Variants in STAT5A observed in about 807,000 individuals in gnomAD.
The protein encoded by STAT5A is signal transducer and activator of transcription 5A.
Under a neutral mutation model 100.2 loss-of-function variants are expected in STAT5A, and 26 were observed. That is an observed-to-expected ratio of 0.26 (90% confidence interval 0.19 to 0.36). STAT5A has a LOEUF of 0.36. Ranked by LOEUF, STAT5A falls within the 10% of genes least tolerant of loss-of-function variation. The pLI is 1.00. For missense variants in STAT5A, 634 were observed against 1,027.5 expected (o/e 0.62, Z 5.24); for synonymous variants, 330 against 424.3 (o/e 0.78, Z 2.73).
At chr17:42,298,749 A>C (rs903609951) in intron 5 of STAT5A, among the ~76,000 whole-genome samples, 1 of 152,112 alleles carries the variant, frequency 6.6e-6, no homozygotes, top group East Asian at 1.9e-4. Flanking sequence ...AGTCTCCCAA[A>C]GTGCTGGGAT....
Position 42,301,464 on chromosome 17 carries a change from C to T in STAT5A, c.1169+10C>T. The T allele has an allele frequency of 6.2e-7, 1 of 1,614,022 alleles. No homozygotes were observed. Among genetic ancestry groups the T allele is most frequent in the South Asian group, 1.1e-5 (1 of 91,066 alleles). The stretch of plus-strand genomic sequence containing the variant: ...ATGAGAACACCCGCAAGTAATTGTG[C>T]CTCTCCCTTCCCCTGCCCAAGCTTA... On this transcript the variant is annotated intron_variant, in intron 9 of 18. Coordinates refer to ENST00000590949, the MANE Select transcript of STAT5A (RefSeq NM_001288718.2).
At position 42,310,826 on chromosome 17, in the gene STAT5A, T is replaced by G; in HGVS notation, c.*157T>G. 1 of 1,303,436 alleles carries G rather than the reference T, an allele frequency of 7.7e-7. No individual in the cohort carries two copies. Among genetic ancestry groups the G allele is most frequent in the Non-Finnish European group, 1.0e-6 (1 of 957,716 alleles). 80.7% of individuals were successfully genotyped at this position (1,303,436 alleles called of 1,614,324 possible). ...TCCTTGTGCATGAGCTACGCCTGCC[T>G]CCCCTGTGCAGTCCTGGGATGTGGC... On this transcript the variant is annotated 3_prime_UTR_variant, in exon 19 of 19. Coordinates refer to ENST00000590949, the MANE Select transcript of STAT5A (RefSeq NM_001288718.2).
chr17:42,295,939 C>T (rs2080914515), intron 5 of STAT5A, 146 bp downstream of exon 5: 1 of 1,217,438 alleles, frequency 8.2e-7, no homozygotes, highest in Non-Finnish European at 1.2e-6. Context: ...GGTGATTGAG[C>T]CCCTGCCGTG....
At chr17:42,289,245 C>G in intron 1 of STAT5A, 157 bp from the exon 2 acceptor site, 1 of 823,130 alleles carries the variant, frequency 1.2e-6, no homozygotes, top group Non-Finnish European at 1.8e-6. Context: ...CCCTCCACTC[C>G]TCACCATCTC....
intron 9 of STAT5A, among the ~76,000 whole-genome samples, chr17:42,302,106 C>T (rs1311543413): frequency 5.3e-5 from 8 of 152,208 alleles, no homozygotes; most frequent in Non-Finnish European, 1.5e-5. Context: ...TTTGATACTA[C>T]AGTGAGGTAT....
In STAT5A at chr17:42,289,647, TTC is replaced by T; in HGVS notation, c.128+110_128+111del. 6.0e-6 allele frequency: 9 copies of T among 1,488,146 alleles called. No individual in the cohort carries two copies. In the South Asian group the frequency reaches 1.2e-4, roughly 20 times the overall value. 92.2% of individuals were successfully genotyped at this position (1,488,146 alleles called of 1,614,324 possible). The stretch of plus-strand genomic sequence containing the variant: ...GGTGTGACTCTGGTCCTGCCTGTCC[TTC>T]TTTGTGCGGAAGGGGTGGTGCCCCT... On this transcript the variant is annotated intron_variant, in intron 2 of 18. Transcript: ENST00000590949.
In STAT5A at chr17:42,311,189, G is replaced by T. The variant is rs887013108; in HGVS notation, c.*520G>T. On this transcript the variant is annotated 3_prime_UTR_variant, in exon 19 of 19. Coordinates refer to ENST00000590949, the MANE Select transcript of STAT5A (RefSeq NM_001288718.2). ...GTTGATGTAACCGATTCATCTCTCA[G>T]AAGGGAGGCTGGGGTTCATTTTCGA... 1.2e-5 allele frequency: 2 copies of T among 162,812 alleles called. No homozygotes were observed. Among genetic ancestry groups the T allele is most frequent in the Admixed American group, 1.1e-4 (2 of 17,456 alleles). 10.1% of individuals were successfully genotyped at this position (162,812 alleles called of 1,614,324 possible). A position where few individuals can be genotyped will look rare whatever the true frequency, so the allele number is the denominator to read the frequency against.
chr17:42,305,453 G>A (rs2081019219), intron 11 of STAT5A, among the ~76,000 whole-genome samples, 157 bp from the exon 12 acceptor site: 2 of 151,916 alleles, frequency 1.3e-5, no homozygotes, highest in South Asian at 4.2e-4. Context: ...GGTGAGCCGA[G>A]ATTGCACCAT....
In STAT5A at chr17:42,295,684, A is replaced by T. The variant is rs1228283211; in HGVS notation, c.441A>T (p.Thr147=). 4 of 1,613,990 alleles carry T rather than the reference A, an allele frequency of 2.5e-6. No homozygotes were observed. Among genetic ancestry groups the T allele is most frequent in the Non-Finnish European group, 3.4e-6 (4 of 1,179,948 alleles). The change falls in exon 5 of 19, where the codon ACA becomes ACT. Residue 147 remains threonine (T), a synonymous_variant. Transcript: ENST00000590949. The part of the protein sequence containing the change: ...MSQKHLQINQ[T]FEELRLVTQD... ...AGAAGCACCTTCAGATCAACCAGACATTTGAGGAGCTGCGACTGGTCACGC... is the reference window on the plus strand; with the variant it reads ...AGAAGCACCTTCAGATCAACCAGACTTTTGAGGAGCTGCGACTGGTCACGC...
At chr17:42,291,828 T>G (rs781141801) in intron 3 of STAT5A, 144 bp from the exon 4 acceptor site, 2 of 719,592 alleles carry the variant, frequency 2.8e-6, no homozygotes, top group Admixed American at 5.0e-5. Context: ...GGAACAGAGA[T>G]ATAGAGGTGT....
rs936087248 is a variant in STAT5A, at chr17:42,299,669, C to G, written c.551-82C>G. 2.4e-5 allele frequency: 38 copies of G among 1,608,102 alleles called. No individual in the cohort carries two copies. In the Admixed American group the frequency reaches 6.4e-4, roughly 27 times the overall value. ...TGTCTGAGCCTGGGAGGGTCTCGCT[C>G]CAGAACAGGTGAGTGGGCTTCTCTA... On this transcript the variant is annotated intron_variant, in intron 5 of 18. Coordinates refer to ENST00000590949, the MANE Select transcript of STAT5A (RefSeq NM_001288718.2).
rs1475744051 is a variant in STAT5A at position 42,304,838 on chromosome 17, G to A, written c.1380+186G>A. Among the ~76,000 whole-genome samples the A allele has an allele frequency of 6.6e-6, 1 of 152,226 alleles. No individual in the cohort carries two copies. The highest frequency in any genetic ancestry group is 6.5e-5 in the Admixed American group (1 of 15,284). On this transcript the variant is annotated intron_variant, in intron 11 of 18. Transcript: ENST00000590949. The surrounding 1 kb of genome is among the most constrained non-coding windows in gnomAD (Gnocchi z 4.8). ...GCAATGGGCTAAGAAGAAGTCGGTT[G>A]TAGTTTTTGTTTGTTTGCTTGTGCC...
In STAT5A at chr17:42,308,674, C is replaced by A; in HGVS notation, c.2062+341C>A. On this transcript the variant is annotated intron_variant, in intron 16 of 18. Transcript: ENST00000590949. The surrounding 1 kb of genome is among the most constrained non-coding windows in gnomAD (Gnocchi z 4.6). Reference sequence around the variant, plus strand: ...TCCCCACCTCACCAGCTGCTCTCCACACCCTGCTCACAAACCTTCCCCCGA... The same window carrying A: ...TCCCCACCTCACCAGCTGCTCTCCAAACCCTGCTCACAAACCTTCCCCCGA... 1 of 489,562 alleles carries A rather than the reference C, an allele frequency of 2.0e-6. No individual in the cohort carries two copies. Among genetic ancestry groups the A allele is most frequent in the African/African-American group, 1.9e-5 (1 of 51,826 alleles). The allele number at this position is 489,562 out of a possible 1,614,324, so 30.3% of individuals were successfully genotyped here. A position where few individuals can be genotyped will look rare whatever the true frequency, so the allele number is the denominator to read the frequency against.
intron 1 of STAT5A, 99 bp from the exon 2 acceptor site, chr17:42,289,303 G>A (rs917316002): frequency 1.5e-6 from 2 of 1,368,064 alleles, no homozygotes; most frequent in African/African-American, 1.5e-5. Flanking sequence ...GGCCTGGCCT[G>A]GCCGCGGTCC....
intron 12 of STAT5A, 47 bp downstream of exon 12, chr17:42,305,749 C>T (rs767892131): frequency 1.3e-6 from 2 of 1,588,818 alleles, no homozygotes; most frequent in Admixed American, 1.7e-5. Context: ...GGCCCTAGGA[C>T]TCACCTGGGG....
At chr17:42,293,500 C>T (rs868554173) in intron 4 of STAT5A, among the ~76,000 whole-genome samples, 2 of 152,338 alleles carry the variant, frequency 1.3e-5, no homozygotes, top group African/African-American at 2.4e-5. Context: ...CCACCACGCC[C>T]GGCCTATTAC....
Position 42,304,588 on chromosome 17 carries a change from A to G in STAT5A, c.1316A>G (p.Lys439Arg). The stretch of plus-strand genomic sequence containing the variant: ...GGTGCAGAGTCCGTGACAGAGGAGA[A>G]GTTCACAGTCCTGTTTGAGTCTCAG... ...RRGAESVTEE[K>R]FTVLFESQFS... The change falls in exon 11 of 19, where the codon AAG becomes AGG. Residue 439 changes from lysine (K) to arginine (R), a missense_variant. Coordinates refer to ENST00000590949, the MANE Select transcript of STAT5A (RefSeq NM_001288718.2). This position sits in a 1 kb window ranked among gnomAD's most constrained non-coding sequence, Gnocchi z 4.8. 1 of 1,614,226 alleles carries G rather than the reference A, an allele frequency of 6.2e-7. No homozygotes were observed. Among genetic ancestry groups the G allele is most frequent in the Middle Eastern group, 1.6e-4 (1 of 6,062 alleles).
chr17:42,295,866 G>C, intron 5 of STAT5A, 73 bp downstream of exon 5: 2 of 1,568,400 alleles, frequency 1.3e-6, no homozygotes, highest in South Asian at 2.3e-5. Flanking sequence ...CTAGAGGGTA[G>C]AGCTGGGTCA....
chr17:42,291,448 G>A (rs564793186), intron 3 of STAT5A, among the ~76,000 whole-genome samples: 3 of 152,278 alleles, frequency 2.0e-5, no homozygotes, highest in South Asian at 2.1e-4. Context: ...TGGGTATGAT[G>A]GCTCACACCT....
Sources: allele counts gnomAD v4.1 joint callset (sites outside exome capture counted in the v4.1 genomes callset), GRCh38; gene constraint gnomAD v4.1.1; non-coding constraint Gnocchi (gnomAD v3.1); transcripts MANE v1.5; gene names NCBI Gene and HGNC (gene_info 2026-07-23, HGNC 2026-07-21).